The following U2SURP variants were observed in gnomAD, a reference collection of about 807,000 sequenced individuals.
U2SURP encodes the protein U2 snRNP associated SURP domain containing, also known as U2 snRNP-associated SURP motif-containing protein.
In U2SURP, 9 loss-of-function variants were observed where a neutral mutation model predicts 144.9. The ratio of observed to expected loss-of-function variants is 0.06; its 90% CI spans 0.04 to 0.11. The LOEUF (loss-of-function observed/expected upper bound fraction) is 0.11. U2SURP is among the 10% of genes least tolerant of loss of function. The pLI is 1.00. For missense variants in U2SURP, 724 were observed against 1,226.7 expected, an observed-to-expected ratio of 0.59 and a Z score of 6.12; for synonymous variants, 408 against 396.8, an observed-to-expected ratio of 1.03 and a Z score of -0.33.
intron 1 of U2SURP, among the ~76,000 whole-genome samples, chr3:143,002,968 T>C (rs966597723): frequency 2.0e-5 from 3 of 152,116 alleles, no homozygotes; most frequent in African/African-American, 4.8e-5. Context: ...CTCAACAGAC[T>C]CCTGACAAGA....
In U2SURP at chr3:143,036,071, A is replaced by G; in HGVS notation, c.2031A>G (p.Gly677=). The part of the protein sequence containing the change: ...FLIKLQNIFL[G]LVNIIEEKET... Reference sequence around the variant, plus strand: ...TCAAACTACAAAATATTTTCTTAGGACTTGTAAATATTATTGAAGAAAAGG... The same window carrying G: ...TCAAACTACAAAATATTTTCTTAGGGCTTGTAAATATTATTGAAGAAAAGG... Residue 677 remains glycine (G), a synonymous_variant, in exon 20 of 28, where the codon GGA becomes GGG. Transcript: ENST00000473835. 1 of 1,608,508 alleles carries G rather than the reference A, an allele frequency of 6.2e-7. No homozygotes were observed. Among genetic ancestry groups the G allele is most frequent in the Non-Finnish European group, 8.5e-7 (1 of 1,178,242 alleles).
At chr3:143,051,372 A>T (rs1181825442) in intron 25 of U2SURP, among the ~76,000 whole-genome samples, 1 of 152,128 alleles carries the variant, frequency 6.6e-6, no homozygotes, top group Non-Finnish European at 1.5e-5. Flanking sequence ...CAACCCTGAG[A>T]GGTAGTACAG....
chr3:143,037,444 A>G, intron 21 of U2SURP, 109 bp downstream of exon 21: 1 of 1,026,846 alleles, frequency 9.7e-7, no homozygotes, highest in Admixed American at 2.8e-5. Context: ...TCATGAACGT[A>G]TCAAGTTATT....
chr3:143,010,796 T>C lies in U2SURP; in HGVS notation c.46-19T>C, dbSNP rs1219998933. 22 of 1,593,068 alleles carry C rather than the reference T, an allele frequency of 1.4e-5. No homozygotes were observed. Among genetic ancestry groups the C allele is most frequent in the Non-Finnish European group, 1.8e-5 (21 of 1,166,512 alleles). On this transcript the variant is annotated intron_variant, in intron 1 of 27. Transcript: ENST00000473835. Reference sequence around the variant, plus strand: ...ATAAGACATTTTAAATTATTGACTTTTATTTTTGATACTTGTAGACGAGAT... The same window carrying C: ...ATAAGACATTTTAAATTATTGACTTCTATTTTTGATACTTGTAGACGAGAT...
intron 16 of U2SURP, among the ~76,000 whole-genome samples, chr3:143,031,168 A>G (rs1933459506): frequency 6.6e-6 from 1 of 152,196 alleles, no homozygotes; most frequent in Non-Finnish European, 1.5e-5. Context: ...TTGAGATGGA[A>G]TGTATTTCTG....
Position 143,046,325 on chromosome 3 carries a change from T to A in U2SURP, c.2544+3049T>A, listed in dbSNP as rs1010431311. ...TTTTTTTATTTTTATTTTTTTATTT[T>A]TTATTTTTTTTTTTATTGATCATTC... On this transcript the variant is annotated intron_variant, in intron 24 of 27. Coordinates refer to ENST00000473835, the MANE Select transcript of U2SURP (RefSeq NM_001080415.2). 1.5e-3 allele frequency among the ~76,000 whole-genome samples: 218 copies of A among 147,922 alleles called. 2 individuals carry two copies. The highest frequency in any genetic ancestry group is 0.012 in the Admixed American group (179 of 14,826).
Position 143,047,783 on chromosome 3 carries a change from G to A in U2SURP, c.2545-3156G>A, listed in dbSNP as rs555182185. 4.7e-4 allele frequency among the ~76,000 whole-genome samples: 38 copies of A among 80,196 alleles called. 3 individuals carry two copies. The highest frequency in any genetic ancestry group is 1.8e-3 in the African/African-American group (38 of 21,174). 52.6% of individuals were successfully genotyped at this position (80,196 alleles called of 152,430 possible). ...CTCCCACCTCCCTCCTGAACGGGGC[G>A]ACTGGCCGGGCAGAGGGGCTCCTCA... On this transcript the variant is annotated intron_variant, in intron 24 of 27. Coordinates refer to ENST00000473835, the MANE Select transcript of U2SURP (RefSeq NM_001080415.2).
At chr3:143,014,736 C>A (rs1208083033) in intron 4 of U2SURP, among the ~76,000 whole-genome samples, 1 of 151,978 alleles carries the variant, frequency 6.6e-6, no homozygotes, top group Non-Finnish European at 1.5e-5. Context: ...ACACTTTTTT[C>A]CTACTTGCTT....
rs770589981 is a variant in U2SURP at position 143,035,968 on chromosome 3, TC to T, written c.1942-12del. On this transcript the variant is annotated splice_polypyrimidine_tract_variant and intron_variant, in intron 19 of 27. Transcript: ENST00000473835. ...CCAAAATAAAAGTTTGTTGTCTGTT[TC>T]CTGTTTCTTTAGCAACGGGTAATGA... 6.3e-7 allele frequency: 1 copy of T among 1,585,216 alleles called. No individual in the cohort carries two copies. Among genetic ancestry groups the T allele is most frequent in the South Asian group, 1.2e-5 (1 of 85,248 alleles).
At chr3:143,036,551 G>A (rs1933819982) in intron 20 of U2SURP, among the ~76,000 whole-genome samples, 1 of 151,700 alleles carries the variant, frequency 6.6e-6, no homozygotes, top group Admixed American at 6.6e-5. Context: ...GTTTAATTCT[G>A]CCATGCTAGT....
chr3:143,001,626 A>G lies in U2SURP; in HGVS notation c.-3A>G. On this transcript the variant is annotated 5_prime_UTR_variant, in exon 1 of 28. Coordinates refer to ENST00000473835, the MANE Select transcript of U2SURP (RefSeq NM_001080415.2). ...CGCCGCCGAAGGAGGGGCAAAGCTCAAGATGGCGGACAAAACGCCAGGCGG... is the reference window on the plus strand; with the variant it reads ...CGCCGCCGAAGGAGGGGCAAAGCTCGAGATGGCGGACAAAACGCCAGGCGG... The G allele has an allele frequency of 6.2e-7, 1 of 1,614,036 alleles. No homozygotes were observed. Among genetic ancestry groups the G allele is most frequent in the African/African-American group, 1.3e-5 (1 of 75,060 alleles).
chr3:143,014,875 G>A (rs1478349958), intron 4 of U2SURP, among the ~76,000 whole-genome samples: 1 of 151,902 alleles, frequency 6.6e-6, no homozygotes, highest in African/African-American at 2.4e-5. Context: ...TTTATGTTTT[G>A]TTCTTTTGCC....
In U2SURP at chr3:143,001,664, C is replaced by G; in HGVS notation, c.36C>G (p.Ala12=). ...ADKTPGGSQK[A]SSKTRSSDVH... Reference sequence around the variant, plus strand: ...AAACGCCAGGCGGATCTCAGAAGGCCAGTTCAAAGGTAATTTCTGACAAAA... The same window carrying G: ...AAACGCCAGGCGGATCTCAGAAGGCGAGTTCAAAGGTAATTTCTGACAAAA... The change falls in exon 1 of 28, where the codon GCC becomes GCG. Residue 12 remains alanine (A), a synonymous_variant. Transcript: ENST00000473835. The G allele has an allele frequency of 1.2e-6, 2 of 1,613,930 alleles. No individual in the cohort carries two copies. Among genetic ancestry groups the G allele is most frequent in the African/African-American group, 2.7e-5 (2 of 75,054 alleles).
At chr3:143,055,199 G>A in intron 27 of U2SURP, 80 bp downstream of exon 27, 1 of 1,323,518 alleles carries the variant, frequency 7.6e-7, no homozygotes, top group South Asian at 1.5e-5. Context: ...TAATTTGGTT[G>A]GCATACATTT....
At chr3:143,006,191 CTT>C (rs1279004827) in intron 1 of U2SURP, among the ~76,000 whole-genome samples, 1 of 152,098 alleles carries the variant, frequency 6.6e-6, no homozygotes, top group African/African-American at 2.4e-5. Context: ...AAAAAATCAT[CTT>C]AGGTTTGTTA....
chr3:143,034,689 G>C, intron 18 of U2SURP, 199 bp from the exon 19 acceptor site: 1 of 477,776 alleles, frequency 2.1e-6, no homozygotes, highest in South Asian at 2.8e-5. Flanking sequence ...TGGGGAGTTT[G>C]TAGGAGAAAA....
chr3:143,053,910 G>C, intron 26 of U2SURP, 116 bp downstream of exon 26: 1 of 878,878 alleles, frequency 1.1e-6, no homozygotes, highest in Non-Finnish European at 1.7e-6. Context: ...TGATAAACTT[G>C]TTTGGGTCCT....
At chr3:143,002,733 C>G (rs987298119) in intron 1 of U2SURP, among the ~76,000 whole-genome samples, 10 of 152,198 alleles carry the variant, frequency 6.6e-5, no homozygotes, top group Admixed American at 3.3e-4. Context: ...TCGTTTTCTA[C>G]TTGCTTTCTC....
At chr3:143,047,078 G>T (rs1163104911) in intron 24 of U2SURP, among the ~76,000 whole-genome samples, 1 of 114,404 alleles carries the variant, frequency 8.7e-6, no homozygotes, top group East Asian at 2.9e-4. Context: ...CTGACGGGGC[G>T]GCTGGCCGGG....
Sources: gnomAD v4.1 joint callset for allele counts (sites outside exome capture counted in the v4.1 genomes callset) on GRCh38, gnomAD v4.1.1 for gene constraint, MANE v1.5 for transcripts, NCBI Gene and HGNC (gene_info 2026-07-23, HGNC 2026-07-21) for gene names.